The following TNRC6B variants were observed in gnomAD, a reference collection of about 807,000 sequenced individuals.
TNRC6B encodes the protein trinucleotide repeat-containing gene 6B protein.
In TNRC6B, 52 loss-of-function variants were observed where a neutral mutation model predicts 203.6. The observed-to-expected ratio is 0.26, with a 90% CI of 0.20 to 0.32. TNRC6B has a LOEUF of 0.32. Among genes scored for constraint, TNRC6B ranks in the 10% least tolerant of loss-of-function variants. The pLI, the probability that TNRC6B is intolerant of heterozygous loss-of-function variation, is 1.00. For missense variants in TNRC6B, 1,923 were observed against 2,286.2 expected (o/e 0.84, Z 3.24); for synonymous variants, 838 against 845.7 (o/e 0.99, Z 0.16).
intron 11 of TNRC6B, among the ~76,000 whole-genome samples, chr22:40,282,273 G>A (rs770398379): frequency 6.6e-6 from 1 of 152,154 alleles, no homozygotes; most frequent in Non-Finnish European, 1.5e-5. Flanking sequence ...TTGCACATAG[G>A]TCTCTTATAT....
intron 19 of TNRC6B, 109 bp downstream of exon 19, chr22:40,313,106 A>G (rs191404500): frequency 1.0e-4 from 85 of 832,744 alleles, no homozygotes; most frequent in Non-Finnish European, 1.6e-4. Flanking sequence ...ACAGAAGTTC[A>G]GTAGCATAGG....
At chr22:40,215,790 G>T (rs912878388) in intron 1 of TNRC6B, among the ~76,000 whole-genome samples, 1 of 152,200 alleles carries the variant, frequency 6.6e-6, no homozygotes, top group African/African-American at 2.4e-5. Context: ...ATGTTAAGAT[G>T]ATGAGTGTGA....
At chr22:40,072,388 A>G (rs1039183870) in intron 1 of TNRC6B, among the ~76,000 whole-genome samples, 2 of 152,156 alleles carry the variant, frequency 1.3e-5, no homozygotes, top group African/African-American at 4.8e-5. Flanking sequence ...ATGTCATCCT[A>G]CTAATTATTC....
intron 15 of TNRC6B, among the ~76,000 whole-genome samples, chr22:40,303,870 C>T (rs1230991627): frequency 6.6e-6 from 1 of 152,162 alleles, no homozygotes; most frequent in Non-Finnish European, 1.5e-5. Flanking sequence ...GAGATCATGC[C>T]ACTGCACTCC....
Position 40,315,981 on chromosome 22 carries a change from A to G in TNRC6B, c.4943A>G (p.Tyr1648Cys), listed in dbSNP as rs1340601180. The G allele has an allele frequency of 6.2e-7, 1 of 1,613,820 alleles. No homozygotes were observed. The highest frequency in any genetic ancestry group is 1.1e-5 in the South Asian group (1 of 91,066). Residue 1648 changes from tyrosine (Y) to cysteine (C), a missense_variant, in exon 21 of 23, where the codon TAC (tyrosine) becomes TGC (cysteine). Tyr to Cys is a radical substitution (Grantham distance 194, BLOSUM62 -2). Transcript: ENST00000454349. ...WSDGGSVRPS[Y>C]WLVLHNLTPQ... ...GATGGTGGCTCAGTTCGTCCTAGTT[A>G]CTGGCTGGTTCTTCACAATCTCACC...
chr22:40,180,109 A>C (rs1601862913), intron 1 of TNRC6B, among the ~76,000 whole-genome samples: 1 of 152,170 alleles, frequency 6.6e-6, no homozygotes. Context: ...TTACGGCTTG[A>C]ATTTAAAGGG....
chr22:40,074,778 C>CA (rs559591151), intron 1 of TNRC6B, among the ~76,000 whole-genome samples: 6,352 of 150,278 alleles, frequency 0.042, 411 homozygotes, highest in African/African-American at 0.14. Context: ...GACTCCGTCT[C>CA]CAAAAAAAAA....
At chr22:40,097,020 C>CAG (rs1253991517) in intron 1 of TNRC6B, among the ~76,000 whole-genome samples, 1 of 152,158 alleles carries the variant, frequency 6.6e-6, no homozygotes, top group Middle Eastern at 3.2e-3. Context: ...GGAGGGAGAA[C>CAG]AGAGACCCCA....
Position 40,262,055 on chromosome 22 carries a change from G to A in TNRC6B, c.339G>A (p.Pro113=), listed in dbSNP as rs376401713. 102 of 1,591,132 alleles carry A rather than the reference G, an allele frequency of 6.4e-5. No individual in the cohort carries two copies. The highest frequency in any genetic ancestry group is 8.0e-5 in the Non-Finnish European group (93 of 1,165,600). Residue 113 remains proline (P), a synonymous_variant, in exon 4 of 23, where the codon CCG becomes CCA. Coordinates refer to ENST00000454349, the MANE Select transcript of TNRC6B (RefSeq NM_001162501.2). ...TAAAACGTGGGCAGCCCCCTCCACC[G>A]TCCTGCATGCTCCTTGGGGGTGGGG... ...VLLKRGQPPP[P]SCMLLGGGAG...
intron 15 of TNRC6B, among the ~76,000 whole-genome samples, chr22:40,304,529 C>T (rs1038338120): frequency 2.0e-5 from 3 of 152,014 alleles, no homozygotes; most frequent in African/African-American, 4.8e-5. Flanking sequence ...AAAAGAAATT[C>T]GAGAAGTAAG....
At chr22:40,253,306 G>A (rs2070221695) in intron 3 of TNRC6B, among the ~76,000 whole-genome samples, 1 of 149,816 alleles carries the variant, frequency 6.7e-6, no homozygotes, top group African/African-American at 2.5e-5. Context: ...TAGCCAGGAT[G>A]GTCTTGGTGT....
chr22:40,125,994 T>G, intron 3 of TNRC6B: 2 of 898,212 alleles, frequency 2.2e-6, no homozygotes, highest in Admixed American at 7.1e-5. Flanking sequence ...AACATAAGAT[T>G]GAGAAATATT....
intron 12 of TNRC6B, among the ~76,000 whole-genome samples, chr22:40,294,012 C>G (rs2070904153): frequency 7.5e-6 from 1 of 132,648 alleles, no homozygotes; most frequent in Non-Finnish European, 1.5e-5. Flanking sequence ...GAGGCTGAGA[C>G]AGGCACTTGA....
chr22:40,297,565 T>G (rs1378053378), intron 12 of TNRC6B, among the ~76,000 whole-genome samples: 1 of 152,260 alleles, frequency 6.6e-6, no homozygotes, highest in Non-Finnish European at 1.5e-5. Flanking sequence ...GGCTCACGCC[T>G]GTAATCCCAA....
chr22:40,240,199 A>G (rs900538161), intron 1 of TNRC6B, among the ~76,000 whole-genome samples: 2 of 152,230 alleles, frequency 1.3e-5, no homozygotes, highest in African/African-American at 4.8e-5. Flanking sequence ...GTAAAAAATT[A>G]AGAAGAAAAC....
At chr22:40,111,475 G>A (rs939795683) in intron 1 of TNRC6B, among the ~76,000 whole-genome samples, 1 of 152,246 alleles carries the variant, frequency 6.6e-6, no homozygotes, top group African/African-American at 2.4e-5. Flanking sequence ...TAGCTTAAGA[G>A]TGGTGAGAAG....
chr22:40,281,151 C>T lies in TNRC6B; in HGVS notation c.3444C>T (p.Cys1148=). 1 of 1,550,926 alleles carries T rather than the reference C, an allele frequency of 6.4e-7. No homozygotes were observed. Among genetic ancestry groups the T allele is most frequent in the Non-Finnish European group, 8.7e-7 (1 of 1,146,640 alleles). Reference sequence around the variant, plus strand: ...TGCCTTTCTCCAATCAAGATGGGTGCCTTGGGGATGAGGCTCCCTGCTCTC... The same window carrying T: ...TGCCTTTCTCCAATCAAGATGGGTGTCTTGGGGATGAGGCTCCCTGCTCTC... ...LTLPFSNQDG[C]LGDEAPCSPF... Residue 1148 remains cysteine, a synonymous_variant, in exon 11 of 23, where the codon TGC becomes TGT. Transcript: ENST00000454349.
rs752069227 is a variant in TNRC6B at position 40,330,898 on chromosome 22, T to A, written c.*7657T>A. ...CAGTGTAGAGTTGAGTGGAAGAGAT[T>A]CTGGGACTTGGGAGAGGAGACAGGG... On this transcript the variant is annotated 3_prime_UTR_variant, in exon 23 of 23. Transcript: ENST00000454349. 1 of 152,562 alleles carries A rather than the reference T, an allele frequency of 6.6e-6. No homozygotes were observed. The highest frequency in any genetic ancestry group is 1.5e-5 in the Non-Finnish European group (1 of 68,020). The allele number at this position is 152,562 out of a possible 1,614,324, so 9.5% of individuals were successfully genotyped here.
chr22:40,232,873 T>A (rs1261699331), intron 1 of TNRC6B, among the ~76,000 whole-genome samples: 2 of 152,082 alleles, frequency 1.3e-5, no homozygotes, highest in Non-Finnish European at 2.9e-5. Flanking sequence ...CGGGCGTGGC[T>A]GGGCGCGATG....
Sources: gnomAD v4.1 joint callset for allele counts (sites outside exome capture counted in the v4.1 genomes callset) on GRCh38, gnomAD v4.1.1 for gene constraint, MANE v1.5 for transcripts, NCBI Gene and HGNC (gene_info 2026-07-23, HGNC 2026-07-21) for gene names.